The following CROCC2 variants were observed in gnomAD, a reference collection of about 807,000 sequenced individuals.
CROCC2 encodes the protein ciliary rootlet coiled-coil, rootletin family member 2.
In CROCC2, 163 loss-of-function variants were observed where a neutral mutation model predicts 177.6. That is an observed-to-expected ratio of 0.92 (90% CI 0.81 to 1.05). CROCC2 has a LOEUF of 1.05. Among genes scored for constraint, CROCC2 ranks in the 50% least tolerant of loss-of-function variants. The probability of loss-of-function intolerance (pLI) is 0.00; values close to 1 mark genes in which losing one functional copy is unlikely to be tolerated. For synonymous variants in CROCC2, 904 were observed against 787.3 expected, an observed-to-expected ratio of 1.15 and a Z score of -2.48; for missense variants, 1,929 against 1,797.8, an observed-to-expected ratio of 1.07 and a Z score of -1.32.
intron 21 of CROCC2, 79 bp downstream of exon 21, chr2:240,963,852 G>C: frequency 6.9e-7 from 1 of 1,457,464 alleles, no homozygotes; most frequent in Non-Finnish European, 9.3e-7. Flanking sequence ...ATGGGGCAAG[G>C]GGGCTAGGCA....
At chr2:240,950,793 C>T (rs2059550197) in intron 18 of CROCC2, 1 of 415,232 alleles carries the variant, frequency 2.4e-6, no homozygotes, top group African/African-American at 2.1e-5. Flanking sequence ...CCATCCATCC[C>T]TCCATCTGTC....
intron 5 of CROCC2, among the ~76,000 whole-genome samples, chr2:240,926,891 A>G (rs910411907): frequency 8.5e-5 from 13 of 152,236 alleles, no homozygotes; most frequent in African/African-American, 3.1e-4. Flanking sequence ...GAGGCGTTTG[A>G]GGCAGATCTC....
In CROCC2 at chr2:240,973,645, G is replaced by A. The variant is rs1240669996; in HGVS notation, c.4401+5383G>A. ...GTCACAGGTTCTAAAAGTTTCCGGG[G>A]TCCACATATGCCCACAGCTAGCAGA... is the stretch of plus-strand genomic sequence containing the variant. On this transcript the variant is annotated intron_variant, in intron 27 of 31. Coordinates refer to ENST00000690015, the MANE Select transcript of CROCC2 (RefSeq NM_001351305.2). The surrounding 1 kb of genome is among the most constrained non-coding windows in gnomAD (Gnocchi z 4.7). Among the ~76,000 whole-genome samples, 2 of 152,206 alleles carry A rather than the reference G, an allele frequency of 1.3e-5. No homozygotes were observed. Among genetic ancestry groups the A allele is most frequent in the South Asian group, 2.1e-4 (1 of 4,830 alleles).
intron 2 of CROCC2, among the ~76,000 whole-genome samples, 194 bp downstream of exon 2, chr2:240,919,070 GCCCGGGGC>G (rs1236948288): frequency 8.6e-5 from 12 of 139,132 alleles, no homozygotes; most frequent in Non-Finnish European, 1.6e-4. Context: ...ACGGTCCTGG[GCCCGGGGC>G]TGGGCAAGGT....
intron 1 of CROCC2, among the ~76,000 whole-genome samples, chr2:240,914,467 C>T (rs1226891137): frequency 6.6e-6 from 1 of 152,336 alleles, no homozygotes; most frequent in East Asian, 1.9e-4. Context: ...TCCGAGATGC[C>T]GTCCAAACCC....
rs1305213745 is a variant in CROCC2, at chr2:240,960,785, A to G, written c.3087+1341A>G. ...GAGAGGCAGGCTGAGAGAGGAAGAGAACATGATTTAACATGACCGGCTGTT... is the reference window on the plus strand; with the variant it reads ...GAGAGGCAGGCTGAGAGAGGAAGAGGACATGATTTAACATGACCGGCTGTT... On this transcript the variant is annotated intron_variant, in intron 20 of 31. Transcript: ENST00000690015. The surrounding 1 kb of genome is among the most constrained non-coding windows in gnomAD (Gnocchi z 5.0). Among the ~76,000 whole-genome samples, 1 of 151,922 alleles carries G rather than the reference A, an allele frequency of 6.6e-6. No homozygotes were observed. The highest frequency in any genetic ancestry group is 1.5e-5 in the Non-Finnish European group (1 of 67,986).
chr2:240,920,416 A>T (rs2059350976), intron 3 of CROCC2, among the ~76,000 whole-genome samples: 1 of 152,136 alleles, frequency 6.6e-6, no homozygotes, highest in Non-Finnish European at 1.5e-5. Flanking sequence ...TAGCTTAGGC[A>T]CTGACTTGTC....
intron 19 of CROCC2, chr2:240,959,088 G>C: frequency 1.8e-6 from 1 of 555,920 alleles, no homozygotes. Context: ...CATCACAGCT[G>C]TCAGGGGCCG....
chr2:240,989,706 C>G lies in CROCC2; in HGVS notation c.4736C>G (p.Thr1579Arg). 1 of 1,550,236 alleles carries G rather than the reference C, an allele frequency of 6.5e-7. No homozygotes were observed. Among genetic ancestry groups the G allele is most frequent in the Non-Finnish European group, 8.7e-7 (1 of 1,146,748 alleles). ...QAHTQRLQDLTAQHQRDLATE... is the reference protein window; with the variant it reads ...QAHTQRLQDLRAQHQRDLATE... ...CACACCCAGCGGCTCCAGGACCTGA[C>G]AGCTCAGCACCAGCGGGACCTGGCC... Residue 1579 changes from threonine to arginine, a missense_variant, in exon 30 of 32, where the codon ACA (threonine) becomes AGA (arginine). Around this residue, in one of 3 missense-constraint regions of CROCC2, gnomAD observed 388 missense variants for 352.7 expected, o/e 1.10. Coordinates refer to ENST00000690015, the MANE Select transcript of CROCC2 (RefSeq NM_001351305.2).
rs1176459408 is a variant in CROCC2 at position 240,932,372 on chromosome 2, G to T, written c.1002G>T (p.Lys334Asn). 1.4e-6 allele frequency: 1 copy of T among 717,514 alleles called. No homozygotes were observed. Among genetic ancestry groups the T allele is most frequent in the Non-Finnish European group, 2.6e-6 (1 of 385,082 alleles). The allele number at this position is 717,514 out of a possible 1,614,324, so 44.4% of individuals were successfully genotyped here. A position where few individuals can be genotyped will look rare whatever the true frequency, so the allele number is the denominator to read the frequency against. The part of the protein sequence containing the change: ...VEKLTEQNEQ[K>N]AKTIAALRTD... Reference sequence around the variant, plus strand: ...AGCTTACAGAGCAGAATGAGCAGAAGGCGAAGACCATCGCTGCCCTCAGAA... The same window carrying T: ...AGCTTACAGAGCAGAATGAGCAGAATGCGAAGACCATCGCTGCCCTCAGAA... The change falls in exon 8 of 32, where the codon AAG becomes AAT. Residue 334 changes from lysine to asparagine, a missense_variant. This residue lies in a region of CROCC2 where 1,397 missense variants were observed against 1,239.9 expected (regional missense o/e 1.13). Transcript: ENST00000690015.
At position 240,973,318 on chromosome 2, in the gene CROCC2, C is replaced by G. The variant is rs766437764; in HGVS notation, c.4401+5056C>G. On this transcript the variant is annotated intron_variant, in intron 27 of 31. Coordinates refer to ENST00000690015, the MANE Select transcript of CROCC2 (RefSeq NM_001351305.2). This position sits in a 1 kb window ranked among gnomAD's most constrained non-coding sequence, Gnocchi z 4.7. ...GCAGGACCAGCCCGTGGTGTCAGGA[C>G]ACGCACGGAACGCAGCAGCAGTGCC... Among the ~76,000 whole-genome samples, 1 of 152,200 alleles carries G rather than the reference C, an allele frequency of 6.6e-6. No individual in the cohort carries two copies. The highest frequency in any genetic ancestry group is 2.4e-5 in the African/African-American group (1 of 41,448).
intron 9 of CROCC2, 40 bp downstream of exon 9, chr2:240,932,948 G>A: frequency 6.5e-7 from 1 of 1,540,216 alleles, no homozygotes; most frequent in Non-Finnish European, 8.7e-7. Context: ...GTCTCCCTGA[G>A]GGCAGAAACA....
intron 19 of CROCC2, among the ~76,000 whole-genome samples, chr2:240,956,941 G>A (rs2059594944): frequency 6.6e-6 from 1 of 152,138 alleles, no homozygotes; most frequent in African/African-American, 2.4e-5. Context: ...AGAGCCCAGC[G>A]ATAGGACATA....
intron 27 of CROCC2, among the ~76,000 whole-genome samples, chr2:240,974,091 C>T (rs1016461174): frequency 6.6e-6 from 1 of 152,230 alleles, no homozygotes; most frequent in African/African-American, 2.4e-5. Flanking sequence ...TGCTTAGCAT[C>T]ATCTTCGTTA....
intron 31 of CROCC2, among the ~76,000 whole-genome samples, chr2:240,991,494 G>A (rs1305202860): frequency 2.0e-5 from 3 of 152,228 alleles, no homozygotes; most frequent in Non-Finnish European, 4.4e-5. Flanking sequence ...CCACCGCCCG[G>A]GCCACCACTC....
At chr2:240,964,196 G>T (rs1382905033) in intron 21 of CROCC2, 4 of 565,606 alleles carry the variant, frequency 7.1e-6, no homozygotes, top group African/African-American at 1.9e-5. Flanking sequence ...GAGCGTCCGG[G>T]AGTGTGACAG....
Sources: allele counts gnomAD v4.1 joint callset (sites outside exome capture counted in the v4.1 genomes callset), GRCh38; gene constraint gnomAD v4.1.1; regional missense constraint gnomAD v4.1.1; non-coding constraint Gnocchi (gnomAD v3.1); transcripts MANE v1.5; gene names NCBI Gene and HGNC (gene_info 2026-07-23, HGNC 2026-07-21).